TMEM132B: variants seen among roughly 807,000 people sequenced by gnomAD.
TMEM132B encodes the protein transmembrane protein 132B.
A neutral mutation model predicts 90.8 loss-of-function variants in TMEM132B; 18 were observed. That is an observed-to-expected ratio of 0.20 (90% CI 0.14 to 0.29). TMEM132B has a LOEUF of 0.29. Ranked by LOEUF, TMEM132B falls within the 10% of genes least tolerant of loss-of-function variation. The pLI, the probability that TMEM132B is intolerant of heterozygous loss-of-function variation, is 1.00. For synonymous variants in TMEM132B, 504 were observed against 523.3 expected (o/e 0.96, Z 0.50); for missense variants, 1,096 against 1,326.8 (o/e 0.83, Z 2.70).
At chr12:125,256,825 A>G (rs998992995) in intron 1 of TMEM132B, among the ~76,000 whole-genome samples, 5 of 152,180 alleles carry the variant, frequency 3.3e-5, no homozygotes, top group African/African-American at 1.2e-4. Flanking sequence ...CTGTCCATTG[A>G]CCTGCGCTTC....
intron 3 of TMEM132B, among the ~76,000 whole-genome samples, chr12:125,419,682 C>T (rs1566030558): frequency 1.3e-5 from 2 of 152,182 alleles, no homozygotes; most frequent in South Asian, 2.1e-4. Context: ...CCAGTCATGC[C>T]TCCCCAACAA....
rs1021191081 is a variant in TMEM132B, at chr12:125,406,605, A to T, written c.960-8926A>T. Among the ~76,000 whole-genome samples, 3 of 152,196 alleles carry T rather than the reference A, an allele frequency of 2.0e-5. No individual in the cohort carries two copies. The highest frequency in any genetic ancestry group is 2.9e-5 in the Non-Finnish European group (2 of 68,034). On this transcript the variant is annotated intron_variant, in intron 2 of 8. Coordinates refer to ENST00000682704, the MANE Select transcript of TMEM132B (RefSeq NM_001366854.1). This position sits in a 1 kb window ranked among gnomAD's most constrained non-coding sequence, Gnocchi z 8.3. ...TAAACGTCGGAGGACTGGGTGGATGATATGGGGTATAAAAATATTTCACAG... is the reference window on the plus strand; with the variant it reads ...TAAACGTCGGAGGACTGGGTGGATGTTATGGGGTATAAAAATATTTCACAG...
At chr12:125,493,136 C>T (rs1199233675) in intron 3 of TMEM132B, among the ~76,000 whole-genome samples, 1 of 152,144 alleles carries the variant, frequency 6.6e-6, no homozygotes, top group Non-Finnish European at 1.5e-5. Context: ...GTCCTCAAAA[C>T]CACACTGGGA....
At chr12:125,627,077 T>C (rs547057810) in intron 5 of TMEM132B, among the ~76,000 whole-genome samples, 2 of 152,134 alleles carry the variant, frequency 1.3e-5, no homozygotes, top group Admixed American at 6.5e-5. Flanking sequence ...CCTAATCTAC[T>C]GATGAGTAAA....
chr12:125,266,570 A>T (rs1874702312), intron 1 of TMEM132B, among the ~76,000 whole-genome samples: 1 of 152,170 alleles, frequency 6.6e-6, no homozygotes, highest in Admixed American at 6.5e-5. Flanking sequence ...ACAGAGATCA[A>T]GTAATTGCTC....
At position 125,584,003 on chromosome 12, in the gene TMEM132B, G is replaced by A. The variant is rs200639475; in HGVS notation, c.1437+9G>A. ...ATGAAGATGTCATTAAGGTAAGGGG[G>A]GATTTATCTACAGCTGTCCTAAGTG... On this transcript the variant is annotated intron_variant, in intron 5 of 8. Transcript: ENST00000682704. The A allele has an allele frequency of 2.3e-5, 37 of 1,613,950 alleles. No homozygotes were observed. Among genetic ancestry groups the A allele is most frequent in the Middle Eastern group, 1.6e-4 (1 of 6,082 alleles).
In TMEM132B at chr12:125,492,810, CTGTGT is replaced by C. The variant is rs1470967643; in HGVS notation, c.1107-26628_1107-26624del. On this transcript the variant is annotated intron_variant, in intron 3 of 8. Transcript: ENST00000682704. The surrounding 1 kb of genome is among the most constrained non-coding windows in gnomAD (Gnocchi z 5.8). ...ACTTGGCTCCAAAATGGGCTGGGCC[CTGTGT>C]CAGGCTCCAGGGATAGACACAGCGC... Among the ~76,000 whole-genome samples, 1 of 152,200 alleles carries C rather than the reference CTGTGT, an allele frequency of 6.6e-6. No homozygotes were observed. The highest frequency in any genetic ancestry group is 1.5e-5 in the Non-Finnish European group (1 of 68,044).
rs539505141 is a variant in TMEM132B, at chr12:125,244,326, T to C, written c.67+57460T>C. Among the ~76,000 whole-genome samples the C allele has an allele frequency of 3.3e-5, 5 of 152,278 alleles. No individual in the cohort carries two copies. In the East Asian group the frequency reaches 5.8e-4, roughly 18 times the overall value. On this transcript the variant is annotated intron_variant, in intron 1 of 8. Transcript: ENST00000682704. ...CTCCATCTTCAACTTATTCAACTTA[T>C]TGGGGAGGCTCAGTGCTTCTGGAGT...
At chr12:125,477,555 A>G (rs1422290995) in intron 3 of TMEM132B, among the ~76,000 whole-genome samples, 2 of 152,088 alleles carry the variant, frequency 1.3e-5, no homozygotes, top group Non-Finnish European at 2.9e-5. Flanking sequence ...TCTGTGGCAC[A>G]GTTGTTACAT....
chr12:125,381,918 G>T (rs551515721), intron 2 of TMEM132B, among the ~76,000 whole-genome samples: 2 of 152,302 alleles, frequency 1.3e-5, no homozygotes, highest in Admixed American at 6.5e-5. Flanking sequence ...GCCAGCTGAA[G>T]TGGAAGCTTG....
chr12:125,339,336 G>A (rs561049531), intron 1 of TMEM132B, among the ~76,000 whole-genome samples: 9 of 146,366 alleles, frequency 6.1e-5, no homozygotes, highest in Middle Eastern at 3.4e-3. Flanking sequence ...GTAGATGGCC[G>A]CCTGCCTTCT....
intron 2 of TMEM132B, among the ~76,000 whole-genome samples, chr12:125,383,478 C>T (rs746721211): frequency 5.9e-5 from 9 of 152,150 alleles, no homozygotes; most frequent in Non-Finnish European, 1.0e-4. Flanking sequence ...ATAGCTATTA[C>T]AGTAGTGGGT....
chr12:125,456,554 C>G (rs1359834888), intron 3 of TMEM132B, among the ~76,000 whole-genome samples: 1 of 152,162 alleles, frequency 6.6e-6, no homozygotes, highest in Non-Finnish European at 1.5e-5. Flanking sequence ...TGCTGAGGAG[C>G]CTTCAGCCCT....
intron 4 of TMEM132B, among the ~76,000 whole-genome samples, chr12:125,545,351 A>G (rs1884060807): frequency 6.6e-6 from 1 of 152,236 alleles, no homozygotes; most frequent in Non-Finnish European, 1.5e-5. Context: ...CAAACCATAG[A>G]TCATTTAGGA....
intron 3 of TMEM132B, among the ~76,000 whole-genome samples, chr12:125,513,981 G>A (rs1368969222): frequency 6.6e-6 from 1 of 152,122 alleles, no homozygotes; most frequent in Non-Finnish European, 1.5e-5. Context: ...ACCACAGGGG[G>A]TGCCAAATAA....
Position 125,411,715 on chromosome 12 carries a change from A to C in TMEM132B, c.960-3816A>C, listed in dbSNP as rs376439510. 3.3e-5 allele frequency among the ~76,000 whole-genome samples: 5 copies of C among 152,112 alleles called. No homozygotes were observed. In the East Asian group the frequency reaches 5.8e-4, roughly 18 times the overall value. On this transcript the variant is annotated intron_variant, in intron 2 of 8. Coordinates refer to ENST00000682704, the MANE Select transcript of TMEM132B (RefSeq NM_001366854.1). ...TGAGAGCTTAGCAGCAATTAGCTAG[A>C]AATGCGTTTGTGGTGTCATGGGGCC... is the stretch of plus-strand genomic sequence containing the variant.
intron 1 of TMEM132B, among the ~76,000 whole-genome samples, chr12:125,311,976 C>T (rs1484734911): frequency 6.6e-6 from 1 of 152,202 alleles, no homozygotes; most frequent in Non-Finnish European, 1.5e-5. Flanking sequence ...TGCTCATATA[C>T]AAACAATGAG....
At chr12:125,548,132 A>G (rs1009386430) in intron 4 of TMEM132B, among the ~76,000 whole-genome samples, 1 of 152,128 alleles carries the variant, frequency 6.6e-6, no homozygotes, top group Admixed American at 6.5e-5. Flanking sequence ...AGCAATCCCA[A>G]CTGTCTATGT....
intron 1 of TMEM132B, among the ~76,000 whole-genome samples, chr12:125,348,757 C>T (rs1440041891): frequency 6.6e-6 from 1 of 152,186 alleles, no homozygotes; most frequent in Admixed American, 6.5e-5. Context: ...GTGAAGGTTG[C>T]TCAGTTAGGA....
Sources: allele counts gnomAD v4.1 joint callset (sites outside exome capture counted in the v4.1 genomes callset), GRCh38; gene constraint gnomAD v4.1.1; non-coding constraint Gnocchi (gnomAD v3.1); transcripts MANE v1.5; gene names NCBI Gene and HGNC (gene_info 2026-07-23, HGNC 2026-07-21).